The following KCNQ1 variants were observed in gnomAD, a reference collection of about 807,000 sequenced individuals.
KCNQ1 encodes potassium voltage-gated channel subfamily Q member 1, also known as potassium voltage-gated channel subfamily KQT member 1.
KCNQ1 carries 49 observed loss-of-function variants against 72.4 expected under a neutral mutation model. That is an observed-to-expected ratio of 0.68 (90% CI 0.54 to 0.86). The LOEUF is 0.86. KCNQ1 is among the 40% of genes least tolerant of loss of function. The pLI, the probability that KCNQ1 is intolerant of heterozygous loss-of-function variation, is 0.00. For synonymous variants in KCNQ1, 450 were observed against 412.6 expected, an observed-to-expected ratio of 1.09 and a Z score of -1.10; for missense variants, 790 against 945.1, an observed-to-expected ratio of 0.84 and a Z score of 2.15.
At chr11:2,581,613 T>C (rs931953542) in intron 6 of KCNQ1, among the ~76,000 whole-genome samples, 1 of 152,250 alleles carries the variant, frequency 6.6e-6, no homozygotes, top group Non-Finnish European at 1.5e-5. Flanking sequence ...TGTCTGCACC[T>C]GAATGTGCCC....
Position 2,621,703 on chromosome 11 carries a change from T to A in KCNQ1, c.1393+32849T>A. ...TCATAAAAGTCCCTTATGATCCTTTTTATTTCTGAAGTACCTGTTGTAATA... is the reference window on the plus strand; with the variant it reads ...TCATAAAAGTCCCTTATGATCCTTTATATTTCTGAAGTACCTGTTGTAATA... On this transcript the variant is annotated intron_variant, in intron 10 of 15. Coordinates refer to ENST00000155840, the MANE Select transcript of KCNQ1 (RefSeq NM_000218.3). This position sits in a 1 kb window ranked among gnomAD's most constrained non-coding sequence, Gnocchi z 5.7. 1 of 398,488 alleles carries A rather than the reference T, an allele frequency of 2.5e-6. No homozygotes were observed. Among genetic ancestry groups the A allele is most frequent in the Non-Finnish European group, 4.4e-6 (1 of 226,022 alleles). 24.7% of individuals were successfully genotyped at this position (398,488 alleles called of 1,614,324 possible). A position where few individuals can be genotyped will look rare whatever the true frequency, so the allele number is the denominator to read the frequency against.
chr11:2,688,360 G>T (rs1041414201), intron 11 of KCNQ1: 1 of 398,748 alleles, frequency 2.5e-6, no homozygotes, highest in Non-Finnish European at 4.4e-6. Flanking sequence ...CGTGTCTGGG[G>T]AACTTCCCCG....
chr11:2,549,900 G>A lies in KCNQ1; in HGVS notation c.478-20728G>A, dbSNP rs867639340. 5.3e-5 allele frequency among the ~76,000 whole-genome samples: 8 copies of A among 152,114 alleles called. No homozygotes were observed. Among genetic ancestry groups the A allele is most frequent in the Non-Finnish European group, 1.0e-4 (7 of 68,006 alleles). On this transcript the variant is annotated intron_variant, in intron 2 of 15. Coordinates refer to ENST00000155840, the MANE Select transcript of KCNQ1 (RefSeq NM_000218.3). This position sits in a 1 kb window ranked among gnomAD's most constrained non-coding sequence, Gnocchi z 6.2. ...CTGCACCACTCAATCTGGGGGTTCC[G>A]GCTCCTTGCCCACCGCCCCCGCCAC...
intron 15 of KCNQ1, among the ~76,000 whole-genome samples, chr11:2,778,603 C>G (rs554443300): frequency 1.4e-4 from 22 of 151,762 alleles, no homozygotes; most frequent in African/African-American, 5.1e-4. Context: ...AGCCTCTCCC[C>G]CAGGCACCCT....
At chr11:2,755,541 G>T (rs1199491691) in intron 11 of KCNQ1, among the ~76,000 whole-genome samples, 3 of 152,262 alleles carry the variant, frequency 2.0e-5, no homozygotes, top group Non-Finnish European at 4.4e-5. Context: ...TTATAGGCAT[G>T]AGCCACTGTG....
At chr11:2,501,672 T>C (rs1429675971) in intron 1 of KCNQ1, among the ~76,000 whole-genome samples, 1 of 133,424 alleles carries the variant, frequency 7.5e-6, no homozygotes, top group African/African-American at 2.8e-5. Flanking sequence ...CAAACTCATC[T>C]ACAAGGCCCG....
Position 2,746,131 on chromosome 11 carries a change from C to T in KCNQ1, c.1515-22713C>T, listed in dbSNP as rs886965372. On this transcript the variant is annotated intron_variant, in intron 11 of 15. Coordinates refer to ENST00000155840, the MANE Select transcript of KCNQ1 (RefSeq NM_000218.3). The surrounding 1 kb of genome is among the most constrained non-coding windows in gnomAD (Gnocchi z 5.9). ...TCTCGAACTCCTGGCCTCAAGTGATCCATCCGCCTCGGCCTCCCAAAGTGC... is the reference window on the plus strand; with the variant it reads ...TCTCGAACTCCTGGCCTCAAGTGATTCATCCGCCTCGGCCTCCCAAAGTGC... Among the ~76,000 whole-genome samples, 1 of 152,170 alleles carries T rather than the reference C, an allele frequency of 6.6e-6. No individual in the cohort carries two copies.
chr11:2,513,124 C>G (rs531106269), intron 1 of KCNQ1, among the ~76,000 whole-genome samples: 1 of 152,242 alleles, frequency 6.6e-6, no homozygotes, highest in South Asian at 2.1e-4. Flanking sequence ...GCCACCAGGT[C>G]TTGTCTGGGG....
rs138382748 is a variant in KCNQ1, at chr11:2,516,669, C to T, written c.387-11259C>T. Among the ~76,000 whole-genome samples, 121 of 152,238 alleles carry T rather than the reference C, an allele frequency of 7.9e-4. 1 individual carries two copies. The highest frequency in any genetic ancestry group is 1.5e-3 in the Non-Finnish European group (101 of 68,014). ...CTGGGTTCTCAGCAGGACTCTTTGC[C>T]GGGATCCTCATGCTACGGCCACCAC... On this transcript the variant is annotated intron_variant, in intron 1 of 15. Coordinates refer to ENST00000155840, the MANE Select transcript of KCNQ1 (RefSeq NM_000218.3). The surrounding 1 kb of genome is among the most constrained non-coding windows in gnomAD (Gnocchi z 7.0).
chr11:2,514,680 G>T lies in KCNQ1; in HGVS notation c.387-13248G>T, dbSNP rs185648995. Among the ~76,000 whole-genome samples, 28 of 152,316 alleles carry T rather than the reference G, an allele frequency of 1.8e-4. No individual in the cohort carries two copies. The East Asian group carries it at 4.2e-3, about 23-fold the overall frequency. On this transcript the variant is annotated intron_variant, in intron 1 of 15. Transcript: ENST00000155840. ...TCTCTACTAAAAATACAAAAAATTA[G>T]CCCGGCGTGGTGGCGGGCGCCTGTA... is the stretch of plus-strand genomic sequence containing the variant.
Position 2,657,968 on chromosome 11 carries a change from G to GT in KCNQ1, c.1394-3992dup. 5.0e-6 allele frequency: 2 copies of GT among 398,560 alleles called. No individual in the cohort carries two copies. Among genetic ancestry groups the GT allele is most frequent in the Non-Finnish European group, 4.4e-6 (1 of 226,048 alleles). 24.7% of individuals were successfully genotyped at this position (398,560 alleles called of 1,614,324 possible). A position where few individuals can be genotyped will look rare whatever the true frequency, so the allele number is the denominator to read the frequency against. ...AACCTTGAGCCACTCGTTTAAAGTG[G>GT]TGTCGGCCAGGCTCCTCCACTGTAA... On this transcript the variant is annotated intron_variant, in intron 10 of 15. Transcript: ENST00000155840. This position sits in a 1 kb window ranked among gnomAD's most constrained non-coding sequence, Gnocchi z 4.8.
intron 1 of KCNQ1, among the ~76,000 whole-genome samples, chr11:2,505,559 T>C (rs982790753): frequency 6.6e-6 from 1 of 152,234 alleles, no homozygotes; most frequent in African/African-American, 2.4e-5. Flanking sequence ...TTATAGAGAA[T>C]GTGGTACTGA....
At chr11:2,726,372 G>A (rs568625838) in intron 11 of KCNQ1, among the ~76,000 whole-genome samples, 2 of 152,360 alleles carry the variant, frequency 1.3e-5, no homozygotes, top group African/African-American at 2.4e-5. Context: ...CAGACGGTGT[G>A]TCGAGTGAGG....
chr11:2,709,222 C>A (rs1368489183), intron 11 of KCNQ1, among the ~76,000 whole-genome samples: 3 of 137,078 alleles, frequency 2.2e-5, no homozygotes, highest in Admixed American at 7.3e-5. Context: ...GCTTCCAGGC[C>A]CCCCCCACCC....
intron 1 of KCNQ1, among the ~76,000 whole-genome samples, chr11:2,523,751 G>GTTTTTTTTTTTTTTTTTTTTTTTTTTTT (rs59766245): frequency 8.7e-6 from 1 of 115,150 alleles, no homozygotes; most frequent in Non-Finnish European, 1.7e-5. Context: ...GAAGTTTACA[G>GTTTTTTTTTTTTTTTTTTTTTTTTTTTT]TTTTTTTTTT....
rs1430062772 is a variant in KCNQ1 at position 2,817,437 on chromosome 11, C to G, written c.1795-30330C>G. Among the ~76,000 whole-genome samples, 1 of 152,156 alleles carries G rather than the reference C, an allele frequency of 6.6e-6. No individual in the cohort carries two copies. Among genetic ancestry groups the G allele is most frequent in the Non-Finnish European group, 1.5e-5 (1 of 68,024 alleles). On this transcript the variant is annotated intron_variant, in intron 15 of 15. Transcript: ENST00000155840. The surrounding 1 kb of genome is among the most constrained non-coding windows in gnomAD (Gnocchi z 6.1). ...AGACACTGATACCCTTAGGATGAAG[C>G]TGACCCCAGTCGTGGCAGCCACCCC...
chr11:2,622,238 T>TG, intron 10 of KCNQ1: 1 of 398,426 alleles, frequency 2.5e-6, no homozygotes, highest in Non-Finnish European at 4.4e-6. Context: ...CTCTATATTT[T>TG]GGTGTGTATA....
At chr11:2,667,775 G>A (rs1031170509) in intron 11 of KCNQ1, 8 of 398,582 alleles carry the variant, frequency 2.0e-5, no homozygotes, top group Non-Finnish European at 2.7e-5. Context: ...GAAGGCCAGG[G>A]CTATCCACCT....
chr11:2,702,914 C>T (rs569906082), intron 11 of KCNQ1, among the ~76,000 whole-genome samples: 1 of 152,326 alleles, frequency 6.6e-6, no homozygotes, highest in African/African-American at 2.4e-5. Context: ...AATCAGCCAG[C>T]GCCGCCTGCC....
Sources: gnomAD v4.1 joint callset for allele counts (sites outside exome capture counted in the v4.1 genomes callset) on GRCh38, gnomAD v4.1.1 for gene constraint, Gnocchi (gnomAD v3.1) non-coding constraint, MANE v1.5 for transcripts, NCBI Gene and HGNC (gene_info 2026-07-23, HGNC 2026-07-21) for gene names.